The following INSR variants were observed in gnomAD, a reference collection of about 807,000 sequenced individuals.
The protein encoded by INSR is insulin receptor.
A neutral mutation model predicts 142.6 loss-of-function variants in INSR; 67 were observed. The ratio of observed to expected loss-of-function variants is 0.47; its 90% CI spans 0.39 to 0.58. INSR has a LOEUF of 0.58. Ranked by LOEUF, INSR falls within the 20% of genes least tolerant of loss-of-function variation. INSR has a pLI of 0.00. For missense variants in INSR, 1,248 were observed against 1,833.2 expected, an observed-to-expected ratio of 0.68 and a Z score of 5.83; for synonymous variants, 756 against 743.1, an observed-to-expected ratio of 1.02 and a Z score of -0.28.
intron 4 of INSR, among the ~76,000 whole-genome samples, chr19:7,173,026 T>C (rs903261360): frequency 2.6e-5 from 4 of 152,278 alleles, no homozygotes; most frequent in Non-Finnish European, 4.4e-5. Flanking sequence ...TATGGCTGTT[T>C]TCATATTACA....
At chr19:7,181,560 C>CT (rs369084103) in intron 3 of INSR, among the ~76,000 whole-genome samples, 2,338 of 137,002 alleles carry the variant, frequency 0.017, 60 homozygotes, top group African/African-American at 0.057. Context: ...ATGGTGAGAC[C>CT]TTTTTTTTTT....
At chr19:7,244,895 T>C (rs1976483464) in intron 2 of INSR, among the ~76,000 whole-genome samples, 2 of 151,436 alleles carry the variant, frequency 1.3e-5, no homozygotes, top group Non-Finnish European at 2.9e-5. Flanking sequence ...AATTTTTAAA[T>C]CAATATCTCA....
rs747690908 is a variant in INSR, at chr19:7,290,765, CA to C, written c.100+3026del. Among the ~76,000 whole-genome samples the C allele has an allele frequency of 5.8e-3, 615 of 106,100 alleles. 3 individuals carry two copies. The highest frequency in any genetic ancestry group is 8.4e-3 in the Non-Finnish European group (449 of 53,510). 69.6% of individuals were successfully genotyped at this position (106,100 alleles called of 152,430 possible). A position where few individuals can be genotyped will look rare whatever the true frequency, so the allele number is the denominator to read the frequency against. ...CGGGTGACAGAGTGACACCCTGTCT[CA>C]AAAAAAAAAAAGAAAAAAAAAAAGG... On this transcript the variant is annotated intron_variant, in intron 1 of 21. Coordinates refer to ENST00000302850, the MANE Select transcript of INSR (RefSeq NM_000208.4).
intron 1 of INSR, chr19:7,268,731 T>C (rs1967816680): frequency 5.6e-6 from 2 of 354,586 alleles, no homozygotes; most frequent in African/African-American, 2.3e-5. Context: ...GCTATTTTGT[T>C]GTTTGTTGTT....
At chr19:7,178,101 A>G (rs1974182489) in intron 3 of INSR, among the ~76,000 whole-genome samples, 1 of 151,732 alleles carries the variant, frequency 6.6e-6, no homozygotes, top group Non-Finnish European at 1.5e-5. Flanking sequence ...AACTCTTCAG[A>G]GTGATTTTTG....
intron 9 of INSR, among the ~76,000 whole-genome samples, chr19:7,157,800 T>G (rs1973635740): frequency 6.6e-6 from 1 of 151,802 alleles, no homozygotes; most frequent in Non-Finnish European, 1.5e-5. Context: ...CTCCTCCCCT[T>G]AATGCCTCGA....
At chr19:7,213,131 G>A (rs1975326000) in intron 2 of INSR, among the ~76,000 whole-genome samples, 1 of 152,048 alleles carries the variant, frequency 6.6e-6, no homozygotes, top group Non-Finnish European at 1.5e-5. Context: ...GGATCACGAG[G>A]TCAGGAGATC....
Position 7,213,546 on chromosome 19 carries a change from G to A in INSR, c.653-28909C>T, listed in dbSNP as rs552970430. ...CAGAGGGATAATTTATGCAACAAAG[G>A]TTGCAAATCATTTGCACATCTTCAA... On this transcript the variant is annotated intron_variant, in intron 2 of 21. Coordinates refer to ENST00000302850, the MANE Select transcript of INSR (RefSeq NM_000208.4). Among the ~76,000 whole-genome samples, 13 of 152,210 alleles carry A rather than the reference G, an allele frequency of 8.5e-5. No individual in the cohort carries two copies. In the South Asian group the frequency reaches 1.0e-3, roughly 12 times the overall value.
At chr19:7,182,557 T>C (rs1443239713) in intron 3 of INSR, among the ~76,000 whole-genome samples, 1 of 152,054 alleles carries the variant, frequency 6.6e-6, no homozygotes, top group Non-Finnish European at 1.5e-5. Flanking sequence ...AATAAAAATA[T>C]TAATTTTTTT....
chr19:7,285,187 G>C (rs1002684497), intron 1 of INSR, among the ~76,000 whole-genome samples: 2 of 151,648 alleles, frequency 1.3e-5, no homozygotes, highest in Non-Finnish European at 2.9e-5. Flanking sequence ...ACAGTGGCTC[G>C]CGCCTGTAAT....
At chr19:7,157,424 ATTTTTT>A (rs56136465) in intron 9 of INSR, among the ~76,000 whole-genome samples, 17 of 115,108 alleles carry the variant, frequency 1.5e-4, no homozygotes, top group Admixed American at 2.8e-4. Flanking sequence ...CGATTTTTGT[ATTTTTT>A]TTTTTTTTTT....
intron 2 of INSR, among the ~76,000 whole-genome samples, chr19:7,197,719 A>AGTGT (rs138289202): frequency 0.01 from 568 of 55,008 alleles, 53 homozygotes; most frequent in African/African-American, 0.024. Flanking sequence ...CCAGAGTGGG[A>AGTGT]GTGTGTGTGT....
chr19:7,187,662 T>A (rs1481473394), intron 2 of INSR, among the ~76,000 whole-genome samples: 2 of 152,112 alleles, frequency 1.3e-5, no homozygotes, highest in Non-Finnish European at 2.9e-5. Flanking sequence ...AGCCTCAATC[T>A]CCTGGGCTCA....
chr19:7,266,817 T>C (rs757130363), intron 2 of INSR, among the ~76,000 whole-genome samples: 1 of 152,218 alleles, frequency 6.6e-6, no homozygotes, highest in Non-Finnish European at 1.5e-5. Context: ...TGGAATAAGA[T>C]GAATGTTTTG....
At chr19:7,196,646 A>C (rs1398483776) in intron 2 of INSR, among the ~76,000 whole-genome samples, 1 of 152,184 alleles carries the variant, frequency 6.6e-6, no homozygotes, top group Non-Finnish European at 1.5e-5. Flanking sequence ...AAAACAGAAA[A>C]TACAGAAACC....
intron 2 of INSR, among the ~76,000 whole-genome samples, chr19:7,224,249 T>TTC (rs1975710509): frequency 6.7e-6 from 1 of 150,256 alleles, no homozygotes; most frequent in Non-Finnish European, 1.5e-5. Flanking sequence ...GCCAATTTTT[T>TTC]TTTTTTTTTT....
rs914781437 is a variant in INSR at position 7,293,975 on chromosome 19, G to A, written c.-84C>T. The stretch of plus-strand genomic sequence containing the variant: ...CATGCTCCGAGGCGGCCACCCAAGA[G>A]GCGCTGGGGGCCGCGCGTCCTTCTC... On this transcript the variant is annotated 5_prime_UTR_variant, in exon 1 of 22. Coordinates refer to ENST00000302850, the MANE Select transcript of INSR (RefSeq NM_000208.4). 8 of 1,129,678 alleles carry A rather than the reference G, an allele frequency of 7.1e-6. No homozygotes were observed. Among genetic ancestry groups the A allele is most frequent in the Non-Finnish European group, 8.7e-6 (8 of 923,094 alleles). 70.0% of individuals were successfully genotyped at this position (1,129,678 alleles called of 1,614,324 possible).
At position 7,192,488 on chromosome 19, in the gene INSR, C is replaced by G. The variant is rs1974630263; in HGVS notation, c.653-7851G>C. ...GGTTGACTTTCCTCTCCCTGTGCCC[C>G]TGACCTGATCCCCCTCATTGACACG... On this transcript the variant is annotated intron_variant, in intron 2 of 21. Transcript: ENST00000302850. The surrounding 1 kb of genome is among the most constrained non-coding windows in gnomAD (Gnocchi z 4.2). Among the ~76,000 whole-genome samples the G allele has an allele frequency of 6.6e-6, 1 of 152,092 alleles. No individual in the cohort carries two copies. The highest frequency in any genetic ancestry group is 2.4e-5 in the African/African-American group (1 of 41,424).
In INSR at chr19:7,125,589, C is replaced by T; in HGVS notation, c.3014-62G>A. ...TCCCTTGGGGGTCTGCAGCCACCTTCCACCCAAGCCCTCACCCAAACCCCC... is the reference window on the plus strand; with the variant it reads ...TCCCTTGGGGGTCTGCAGCCACCTTTCACCCAAGCCCTCACCCAAACCCCC... On this transcript the variant is annotated intron_variant, in intron 16 of 21. Coordinates refer to ENST00000302850, the MANE Select transcript of INSR (RefSeq NM_000208.4). This position sits in a 1 kb window ranked among gnomAD's most constrained non-coding sequence, Gnocchi z 4.9. 1 of 1,600,620 alleles carries T rather than the reference C, an allele frequency of 6.2e-7. No individual in the cohort carries two copies. Among genetic ancestry groups the T allele is most frequent in the South Asian group, 1.1e-5 (1 of 90,626 alleles).
Sources: allele counts gnomAD v4.1 joint callset (sites outside exome capture counted in the v4.1 genomes callset), GRCh38; gene constraint gnomAD v4.1.1; non-coding constraint Gnocchi (gnomAD v3.1); transcripts MANE v1.5; gene names NCBI Gene and HGNC (gene_info 2026-07-23, HGNC 2026-07-21).